The following NUP85 variants were observed in gnomAD, a reference collection of about 807,000 sequenced individuals.
NUP85 encodes nucleoporin 85, also known as nuclear pore complex protein Nup85.
A neutral mutation model predicts 92.8 loss-of-function variants in NUP85; 23 were observed. The ratio of observed to expected loss-of-function variants is 0.25; its 90% CI spans 0.18 to 0.35. NUP85 has a LOEUF of 0.35. Among genes scored for constraint, NUP85 ranks in the 10% least tolerant of loss-of-function variants. The pLI, the probability that NUP85 is intolerant of heterozygous loss-of-function variation, is 1.00. For missense variants in NUP85, 759 were observed against 822.8 expected (o/e 0.92, Z 0.95); for synonymous variants, 314 against 306.9 (o/e 1.02, Z -0.24).
At chr17:75,229,136 C>T in intron 11 of NUP85, 2 of 985,452 alleles carry the variant, frequency 2.0e-6, no homozygotes, top group Non-Finnish European at 2.4e-6. Context: ...TAAAAGGTGA[C>T]AAGTCTTCCT....
chr17:75,209,536 C>T (rs942421380), intron 2 of NUP85, among the ~76,000 whole-genome samples: 2 of 148,400 alleles, frequency 1.3e-5, no homozygotes, highest in South Asian at 2.1e-4. Context: ...CTCCGCCTCC[C>T]GGTTTGAAGC....
rs368928199 is a variant in NUP85, at chr17:75,231,522, C to G, written c.1179-51C>G. 3.0e-5 allele frequency: 49 copies of G among 1,611,582 alleles called. No individual in the cohort carries two copies. The African/African-American group carries it at 5.7e-4, about 19-fold the overall frequency. ...GAAAGGGAGGTTGGGCTAAGGGGGC[C>G]CTGAACAGGGCAGGCCAGGAGTCTT... On this transcript the variant is annotated intron_variant, in intron 12 of 18. Coordinates refer to ENST00000245544, the MANE Select transcript of NUP85 (RefSeq NM_024844.5). The surrounding 1 kb of genome is among the most constrained non-coding windows in gnomAD (Gnocchi z 4.6).
At chr17:75,211,010 T>TG (rs1329541156) in intron 3 of NUP85, among the ~76,000 whole-genome samples, 3 of 144,726 alleles carry the variant, frequency 2.1e-5, no homozygotes, top group Non-Finnish European at 4.6e-5. Context: ...CCTGTTTTTT[T>TG]TTTTTTTTTT....
intron 2 of NUP85, among the ~76,000 whole-genome samples, chr17:75,209,529 C>G (rs989131515): frequency 3.4e-5 from 5 of 148,832 alleles, no homozygotes; most frequent in African/African-American, 1.2e-4. Flanking sequence ...CTGCCACCTC[C>G]GCCTCCCGGT....
At chr17:75,220,271 C>T (rs757932757) in intron 7 of NUP85, among the ~76,000 whole-genome samples, 3 of 113,140 alleles carry the variant, frequency 2.7e-5, no homozygotes, top group Non-Finnish European at 6.6e-5. Flanking sequence ...ACTACAGGCG[C>T]GCGTCACCAT....
intron 1 of NUP85, 117 bp downstream of exon 1, chr17:75,205,911 ACTC>A: frequency 3.4e-6 from 4 of 1,169,404 alleles, no homozygotes; most frequent in Middle Eastern, 2.0e-4. Context: ...CCTTCCCTCG[ACTC>A]AGTTGCCACT....
intron 16 of NUP85, among the ~76,000 whole-genome samples, chr17:75,233,863 G>C (rs931393867): frequency 6.6e-6 from 1 of 152,148 alleles, no homozygotes; most frequent in African/African-American, 2.4e-5. Context: ...CTCCCAAAGT[G>C]CTGGGATTAC....
chr17:75,223,320 G>T (rs980486734), intron 7 of NUP85, among the ~76,000 whole-genome samples: 1 of 152,168 alleles, frequency 6.6e-6, no homozygotes, highest in African/African-American at 2.4e-5. Flanking sequence ...ATAAATTTTA[G>T]TGAGTAGGCA....
chr17:75,206,071 C>T (rs369951318), intron 1 of NUP85, among the ~76,000 whole-genome samples: 2 of 152,208 alleles, frequency 1.3e-5, no homozygotes, highest in East Asian at 3.9e-4. Flanking sequence ...ACTTCCCTTG[C>T]TTTTCCTCTT....
intron 7 of NUP85, among the ~76,000 whole-genome samples, chr17:75,221,064 TA>T (rs1281168326): frequency 1.3e-5 from 2 of 152,060 alleles, no homozygotes; most frequent in Non-Finnish European, 1.5e-5. Context: ...TAATTTTGTT[TA>T]GTAGAGACGG....
intron 18 of NUP85, 43 bp from the exon 19 acceptor site, chr17:75,235,535 T>C (rs1280166279): frequency 6.9e-7 from 1 of 1,440,848 alleles, no homozygotes. Context: ...GTGAAAGGGC[T>C]CCTTCCTGCT....
intron 7 of NUP85, among the ~76,000 whole-genome samples, chr17:75,219,175 A>C (rs1467269267): frequency 6.6e-6 from 1 of 152,100 alleles, no homozygotes; most frequent in Non-Finnish European, 1.5e-5. Context: ...GATTGTGAGG[A>C]CAAAAAAAAA....
chr17:75,223,287 A>G (rs2075651848), intron 7 of NUP85, among the ~76,000 whole-genome samples: 1 of 152,220 alleles, frequency 6.6e-6, no homozygotes, highest in South Asian at 2.1e-4. Flanking sequence ...AAAGTACCAC[A>G]AATACTGATT....
intron 18 of NUP85, 28 bp from the exon 19 acceptor site, chr17:75,235,550 G>A: frequency 6.4e-7 from 1 of 1,556,760 alleles, no homozygotes; most frequent in Non-Finnish European, 8.9e-7. Context: ...CCTGCTCTTA[G>A]CTCATGCTGG....
intron 2 of NUP85, among the ~76,000 whole-genome samples, chr17:75,209,427 T>C (rs1016693620): frequency 2.0e-5 from 3 of 150,630 alleles, no homozygotes; most frequent in African/African-American, 7.3e-5. Flanking sequence ...ACTGGAATCT[T>C]GACATTTGAT....
intron 17 of NUP85, 35 bp from the exon 18 acceptor site, chr17:75,235,065 G>T (rs367584941): frequency 1.3e-6 from 2 of 1,551,240 alleles, no homozygotes; most frequent in Non-Finnish European, 1.8e-6. Flanking sequence ...GGCCAGGGCT[G>T]GGGGCAGCCA....
chr17:75,222,919 C>T (rs771428783), intron 7 of NUP85, among the ~76,000 whole-genome samples: 3 of 151,564 alleles, frequency 2.0e-5, no homozygotes, highest in Admixed American at 1.3e-4. Flanking sequence ...CCTGTAGTCC[C>T]AGCTACTCGG....
At chr17:75,214,496 T>C (rs1163578591) in intron 5 of NUP85, among the ~76,000 whole-genome samples, 1 of 152,234 alleles carries the variant, frequency 6.6e-6, no homozygotes, top group East Asian at 1.9e-4. Flanking sequence ...TTTCATGTCA[T>C]CTACTGAATA....
At position 75,231,503 on chromosome 17, in the gene NUP85, G is replaced by A; in HGVS notation, c.1179-70G>A. 2 of 1,609,510 alleles carry A rather than the reference G, an allele frequency of 1.2e-6. No individual in the cohort carries two copies. Among genetic ancestry groups the A allele is most frequent in the Non-Finnish European group, 1.7e-6 (2 of 1,175,786 alleles). On this transcript the variant is annotated intron_variant, in intron 12 of 18. Transcript: ENST00000245544. This position sits in a 1 kb window ranked among gnomAD's most constrained non-coding sequence, Gnocchi z 4.6. ...TGGTGTGAACTGAATGCCTGAAAGGGAGGTTGGGCTAAGGGGGCCCTGAAC... is the reference window on the plus strand; with the variant it reads ...TGGTGTGAACTGAATGCCTGAAAGGAAGGTTGGGCTAAGGGGGCCCTGAAC...
Sources: gnomAD v4.1 joint callset for allele counts (sites outside exome capture counted in the v4.1 genomes callset) on GRCh38, gnomAD v4.1.1 for gene constraint, Gnocchi (gnomAD v3.1) non-coding constraint, MANE v1.5 for transcripts, NCBI Gene and HGNC (gene_info 2026-07-23, HGNC 2026-07-21) for gene names.